The following ROBO1 variants were observed in gnomAD, a reference collection of about 807,000 sequenced individuals.
ROBO1 encodes the protein roundabout homolog 1.
Under a neutral mutation model 195.9 loss-of-function variants are expected in ROBO1, and 149 were observed. That is an observed-to-expected ratio of 0.76 (90% CI 0.67 to 0.87). The LOEUF is 0.87. Among genes scored for constraint, ROBO1 ranks in the 40% least tolerant of loss-of-function variants. The pLI is 0.00. For synonymous variants in ROBO1, 816 were observed against 733.2 expected, an observed-to-expected ratio of 1.11 and a Z score of -1.82; for missense variants, 1,933 against 2,068.3, an observed-to-expected ratio of 0.93 and a Z score of 1.27.
intron 2 of ROBO1, among the ~76,000 whole-genome samples, chr3:79,455,055 T>A (rs776558410): frequency 1.3e-5 from 2 of 152,210 alleles, no homozygotes; most frequent in Non-Finnish European, 2.9e-5. Context: ...TCACTCTGAA[T>A]ATCTGTTCTT....
intron 3 of ROBO1, among the ~76,000 whole-genome samples, chr3:79,098,550 G>A (rs1450399908): frequency 1.3e-5 from 2 of 151,834 alleles, no homozygotes; most frequent in African/African-American, 4.8e-5. Context: ...TGCCTGTTAA[G>A]CATTTACTGA....
At chr3:79,497,754 T>A (rs1026834911) in intron 2 of ROBO1, among the ~76,000 whole-genome samples, 1 of 152,240 alleles carries the variant, frequency 6.6e-6, no homozygotes, top group African/African-American at 2.4e-5. Flanking sequence ...CAATTCAGTT[T>A]ACTATTACAA....
intron 2 of ROBO1, among the ~76,000 whole-genome samples, chr3:79,585,989 T>G (rs1943816631): frequency 6.6e-6 from 1 of 151,882 alleles, no homozygotes; most frequent in Non-Finnish European, 1.5e-5. Flanking sequence ...TACCTGTGGA[T>G]CATAAACTTT....
intron 1 of ROBO1, among the ~76,000 whole-genome samples, chr3:79,733,791 G>C (rs1025334223): frequency 6.6e-6 from 1 of 152,034 alleles, no homozygotes; most frequent in Non-Finnish European, 1.5e-5. Flanking sequence ...TTATCTTCCT[G>C]TATTTCCCAC....
chr3:78,667,555 C>T (rs934460992), intron 14 of ROBO1, among the ~76,000 whole-genome samples: 2 of 152,008 alleles, frequency 1.3e-5, no homozygotes, highest in African/African-American at 2.4e-5. Flanking sequence ...CCACCCTCCC[C>T]ACAGCCACCC....
intron 10 of ROBO1, among the ~76,000 whole-genome samples, chr3:78,672,818 T>C (rs1159021246): frequency 6.6e-6 from 1 of 152,242 alleles, no homozygotes; most frequent in East Asian, 1.9e-4. Context: ...TTGGAATTAT[T>C]AGAATGAATT....
At chr3:79,192,294 C>T (rs1317908198) in intron 2 of ROBO1, among the ~76,000 whole-genome samples, 1 of 151,568 alleles carries the variant, frequency 6.6e-6, no homozygotes, top group Non-Finnish European at 1.5e-5. Flanking sequence ...TAAACTGAGT[C>T]CATACTATGT....
rs768689426 is a variant in ROBO1, at chr3:78,763,246, AAATT to A, written c.500-16350_500-16347del. On this transcript the variant is annotated intron_variant, in intron 4 of 30. Coordinates refer to ENST00000464233, the MANE Select transcript of ROBO1 (RefSeq NM_002941.4). ...CAAAAGAGAAGACAAAAGAACAACT[AAATT>A]AATAATGCATTTCTAGTAGGTTTTT... Among the ~76,000 whole-genome samples the A allele has an allele frequency of 6.6e-5, 10 of 152,252 alleles. No homozygotes were observed. The South Asian group carries it at 2.1e-3, about 32-fold the overall frequency.
At chr3:79,575,174 A>AATATATATAAC (rs1553767471) in intron 2 of ROBO1, among the ~76,000 whole-genome samples, 4 of 119,904 alleles carry the variant, frequency 3.3e-5, no homozygotes, top group Non-Finnish European at 5.3e-5. Context: ...AATATATATA[A>AATATATATAAC]ATATATATAA....
intron 2 of ROBO1, among the ~76,000 whole-genome samples, chr3:79,394,922 T>C (rs993463653): frequency 1.3e-5 from 2 of 152,232 alleles, no homozygotes; most frequent in African/African-American, 4.8e-5. Context: ...ATTCACAGAA[T>C]GTGGCTTTAT....
chr3:78,885,077 T>TA lies in ROBO1; in HGVS notation c.499+53523dup, dbSNP rs201551509. ...TCTGAGCATTCTCACTATGCAGCCA[T>TA]AAAAAAGAAGGAGATCACGTCCTTT... On this transcript the variant is annotated intron_variant, in intron 4 of 30. Coordinates refer to ENST00000464233, the MANE Select transcript of ROBO1 (RefSeq NM_002941.4). Among the ~76,000 whole-genome samples the TA allele has an allele frequency of 8.5e-3, 1,292 of 152,104 alleles. 24 individuals carry two copies. Among genetic ancestry groups the TA allele is most frequent in the African/African-American group, 0.027 (1,115 of 41,492 alleles).
At chr3:79,601,771 TCA>T (rs1358813759) in intron 1 of ROBO1, among the ~76,000 whole-genome samples, 2 of 151,948 alleles carry the variant, frequency 1.3e-5, no homozygotes, top group Admixed American at 1.3e-4. Context: ...CAAAATGTAC[TCA>T]GTTTTTGTTC....
chr3:78,748,139 T>C (rs1173533437), intron 4 of ROBO1, among the ~76,000 whole-genome samples: 1 of 152,170 alleles, frequency 6.6e-6, no homozygotes, highest in East Asian at 1.9e-4. Flanking sequence ...TAAATGTTAT[T>C]TATCTTTTAA....
chr3:79,362,955 C>A (rs957517806), intron 2 of ROBO1, among the ~76,000 whole-genome samples: 1 of 152,030 alleles, frequency 6.6e-6, no homozygotes, highest in Non-Finnish European at 1.5e-5. Context: ...TCCAAAATAG[C>A]CTTAATGTCT....
chr3:79,227,857 T>C (rs2082255273), intron 2 of ROBO1, among the ~76,000 whole-genome samples: 1 of 152,182 alleles, frequency 6.6e-6, no homozygotes, highest in Admixed American at 6.5e-5. Flanking sequence ...TTTATTCGAG[T>C]GGTCTCAGAG....
chr3:79,484,778 A>G (rs1350200816), intron 2 of ROBO1, among the ~76,000 whole-genome samples: 1 of 2,754 alleles, frequency 3.6e-4, no homozygotes, highest in Admixed American at 4.9e-3. Flanking sequence ...TTTTTGAGAC[A>G]GAGTCTCGCT....
At chr3:78,736,154 C>T (rs1305132544) in intron 5 of ROBO1, among the ~76,000 whole-genome samples, 1 of 152,058 alleles carries the variant, frequency 6.6e-6, no homozygotes, top group Non-Finnish European at 1.5e-5. Context: ...ATAAGAAATA[C>T]GTAATTGTAT....
intron 3 of ROBO1, among the ~76,000 whole-genome samples, chr3:78,996,915 T>C (rs1166895605): frequency 6.6e-6 from 1 of 152,204 alleles, no homozygotes; most frequent in Non-Finnish European, 1.5e-5. Flanking sequence ...TACCTCAATG[T>C]TGTTCTGCCA....
Position 79,722,972 on chromosome 3 carries a change from G to T in ROBO1, c.-51+44780C>A, listed in dbSNP as rs58034504. 3.1e-3 allele frequency among the ~76,000 whole-genome samples: 471 copies of T among 152,244 alleles called. 3 individuals are homozygous for T. The highest frequency in any genetic ancestry group is 0.01 in the African/African-American group (421 of 41,528). ...TCAACAGTATTGCATTTGACATACA[G>T]TTAATATATTGAAAAAGATAGTGAT... On this transcript the variant is annotated intron_variant, in intron 1 of 30. Coordinates refer to ENST00000464233, the MANE Select transcript of ROBO1 (RefSeq NM_002941.4).
Sources: gnomAD v4.1 joint callset for allele counts (sites outside exome capture counted in the v4.1 genomes callset) on GRCh38, gnomAD v4.1.1 for gene constraint, MANE v1.5 for transcripts, NCBI Gene and HGNC (gene_info 2026-07-23, HGNC 2026-07-21) for gene names.